The following SFI1 variants were observed in gnomAD, a reference collection of about 807,000 sequenced individuals.
SFI1 encodes the protein SFI1 centrin binding protein.
Under a neutral mutation model 207.5 loss-of-function variants are expected in SFI1, and 195 were observed. The ratio of observed to expected loss-of-function variants is 0.94; its 90% CI spans 0.84 to 1.06. The LOEUF (loss-of-function observed/expected upper bound fraction) is 1.06, where lower values mean the gene tolerates loss of function less well. Among genes scored for constraint, SFI1 ranks in the 50% least tolerant of loss-of-function variants. The pLI is 0.00. For missense variants in SFI1, 1,634 were observed against 1,588.0 expected, an observed-to-expected ratio of 1.03 and a Z score of -0.49; for synonymous variants, 630 against 598.9, an observed-to-expected ratio of 1.05 and a Z score of -0.76.
intron 6 of SFI1, among the ~76,000 whole-genome samples, chr22:31,553,867 T>TTC (rs1293077499): frequency 5.2e-5 from 6 of 116,200 alleles, no homozygotes; most frequent in Non-Finnish European, 8.7e-5. Context: ...TTTTTTTTTT[T>TTC]TGCGAGAGTC....
At chr22:31,497,210 T>A (rs2052829155) in intron 1 of SFI1, 2 of 152,224 alleles carry the variant, frequency 1.3e-5, no homozygotes, top group South Asian at 4.1e-4. Flanking sequence ...TGTGAGGGAC[T>A]TGAGTACAGC....
intron 14 of SFI1, 116 bp downstream of exon 14, chr22:31,585,250 G>A (rs2146271599): frequency 1.2e-6 from 1 of 823,498 alleles, no homozygotes; most frequent in South Asian, 1.9e-5. Context: ...TGCTTTGGAA[G>A]AGAGGGTGTT....
At chr22:31,529,010 A>C in intron 3 of SFI1, 147 bp downstream of exon 3, 1 of 707,378 alleles carries the variant, frequency 1.4e-6, no homozygotes, top group East Asian at 2.7e-5. Context: ...TCAGATGAAA[A>C]GGATATTCAG....
chr22:31,530,005 C>T (rs938868501), intron 3 of SFI1, among the ~76,000 whole-genome samples: 3 of 148,538 alleles, frequency 2.0e-5, no homozygotes, highest in Non-Finnish European at 3.0e-5. Context: ...CCCGTCTCTA[C>T]TAAAAATACA....
intron 12 of SFI1, among the ~76,000 whole-genome samples, chr22:31,581,435 T>C (rs553784164): frequency 2.8e-4 from 42 of 152,128 alleles, no homozygotes; most frequent in Non-Finnish European, 4.9e-4. Flanking sequence ...ATCACAGGTG[T>C]GCACCACCAA....
intron 2 of SFI1, among the ~76,000 whole-genome samples, chr22:31,511,090 G>A (rs191452736): frequency 5.7e-4 from 86 of 152,210 alleles, no homozygotes; most frequent in Admixed American, 9.8e-4. Flanking sequence ...GGGCAAAGTG[G>A]GAGAGAGAAC....
At chr22:31,562,274 ATT>A (rs1431207977) in intron 8 of SFI1, among the ~76,000 whole-genome samples, 5 of 152,108 alleles carry the variant, frequency 3.3e-5, no homozygotes, top group Non-Finnish European at 7.4e-5. Context: ...AGACTAAACT[ATT>A]TGTTTTCTGA....
chr22:31,552,969 G>T (rs1230153113), intron 6 of SFI1, among the ~76,000 whole-genome samples: 1 of 152,000 alleles, frequency 6.6e-6, no homozygotes, highest in African/African-American at 2.4e-5. Flanking sequence ...TCAGACTCCT[G>T]AGTAGCTGGG....
In SFI1 at chr22:31,618,478, G is replaced by A; in HGVS notation, c.*60G>A. 1.4e-6 allele frequency: 2 copies of A among 1,417,934 alleles called. No homozygotes were observed. Among genetic ancestry groups the A allele is most frequent in the African/African-American group, 1.4e-5 (1 of 69,310 alleles). 87.8% of individuals were successfully genotyped at this position (1,417,934 alleles called of 1,614,324 possible). A position where few individuals can be genotyped will look rare whatever the true frequency, so the allele number is the denominator to read the frequency against. ...CGGGGAGGCCTCAGGCCACCTCCAG[G>A]AACAGAACACAGTTTTAAGTTTGAT... On this transcript the variant is annotated 3_prime_UTR_variant, in exon 33 of 33. Transcript: ENST00000400288.
chr22:31,502,494 C>T (rs2053957231), intron 1 of SFI1, among the ~76,000 whole-genome samples: 1 of 152,006 alleles, frequency 6.6e-6, no homozygotes. Context: ...CTGCCTCAGC[C>T]TCCCAAGTAG....
intron 15 of SFI1, among the ~76,000 whole-genome samples, chr22:31,593,894 A>C (rs373361223): frequency 0.026 from 3,885 of 147,090 alleles, 89 homozygotes; most frequent in South Asian, 0.07. Flanking sequence ...CTGAGGCAGG[A>C]GAATCAGGCA....
At chr22:31,587,459 C>A in intron 14 of SFI1, 1 of 169,410 alleles carries the variant, frequency 5.9e-6, no homozygotes, top group Middle Eastern at 9.0e-4. Flanking sequence ...CAAGCCACCA[C>A]GCCCAGCTAA....
In SFI1 at chr22:31,613,781, C is replaced by CA. The variant is rs764418981; in HGVS notation, c.2924dup (p.Arg976GlufsTer17). On this transcript the variant is annotated frameshift_variant, in exon 27 of 33. Transcript: ENST00000400288. LOFTEE classifies it high-confidence loss of function. ...GGGCTGGGGATGGCACCCTTGAGAC[C>CA]AAGAGGCCACAGGCTTCTCGGCCTC... 6.2e-7 allele frequency: 1 copy of CA among 1,612,670 alleles called. No homozygotes were observed.
chr22:31,576,471 C>T (rs150670591), intron 10 of SFI1, among the ~76,000 whole-genome samples: 3 of 151,778 alleles, frequency 2.0e-5, no homozygotes, highest in East Asian at 3.9e-4. Context: ...CAGGCGGCCA[C>T]CACCATGCCC....
intron 2 of SFI1, among the ~76,000 whole-genome samples, chr22:31,514,107 C>T (rs1209548703): frequency 6.8e-6 from 1 of 146,208 alleles, no homozygotes; most frequent in Admixed American, 6.9e-5. Flanking sequence ...TGCCACTGCA[C>T]TCCAGCCCGG....
chr22:31,618,038 G>A, intron 31 of SFI1, 77 bp from the exon 32 acceptor site: 1 of 1,465,268 alleles, frequency 6.8e-7, no homozygotes, highest in African/African-American at 1.4e-5. Flanking sequence ...AGAATTAGCT[G>A]AGGTGCCTCT....
Position 31,615,183 on chromosome 22 carries a change from T to C in SFI1, c.3204T>C (p.Pro1068=), listed in dbSNP as rs747544709. ...TGCCTGGGGCCCTGTCAAGCGCCCCTGGCCCGAAGCAGCCCCCGACGGCAA... is the reference window on the plus strand; with the variant it reads ...TGCCTGGGGCCCTGTCAAGCGCCCCCGGCCCGAAGCAGCCCCCGACGGCAA... ...SPLPGALSSA[P]GPKQPPTAST... Residue 1068 remains proline, a synonymous_variant, in exon 29 of 33, where the codon CCT becomes CCC. Transcript: ENST00000400288. The C allele has an allele frequency of 6.3e-7, 1 of 1,597,318 alleles. No homozygotes were observed. The highest frequency in any genetic ancestry group is 8.5e-7 in the Non-Finnish European group (1 of 1,173,854).
rs1243819389 is a variant in SFI1 at position 31,604,293 on chromosome 22, T to C, written c.1882-16T>C. 1 of 1,559,390 alleles carries C rather than the reference T, an allele frequency of 6.4e-7. No individual in the cohort carries two copies. Among genetic ancestry groups the C allele is most frequent in the Non-Finnish European group, 8.7e-7 (1 of 1,153,386 alleles). ...AGACCCCAGCCCACGGTAGCTGCTT[T>C]CTCCTCTGTCTGCAGTGCCTGGCCC... On this transcript the variant is annotated splice_polypyrimidine_tract_variant and intron_variant, in intron 18 of 32. Coordinates refer to ENST00000400288, the MANE Select transcript of SFI1 (RefSeq NM_001007467.3).
intron 15 of SFI1, among the ~76,000 whole-genome samples, chr22:31,593,135 ACC>A (rs546470043): frequency 1.0e-5 from 1 of 100,134 alleles, no homozygotes; most frequent in South Asian, 3.2e-4. Flanking sequence ...CGGGGGGCTG[ACC>A]CCCCCCCACC....
Sources: gnomAD v4.1 joint callset for allele counts (sites outside exome capture counted in the v4.1 genomes callset) on GRCh38, gnomAD v4.1.1 for gene constraint, MANE v1.5 for transcripts, NCBI Gene and HGNC (gene_info 2026-07-23, HGNC 2026-07-21) for gene names.